Variants in GPLD1 observed in about 807,000 individuals in gnomAD.
GPLD1 encodes phosphatidylinositol-glycan-specific phospholipase D.
Under a neutral mutation model 112.6 loss-of-function variants are expected in GPLD1, and 84 were observed. That is an observed-to-expected ratio of 0.75 (90% CI 0.63 to 0.89). The LOEUF is 0.89. Among genes scored for constraint, GPLD1 ranks in the 40% least tolerant of loss-of-function variants. GPLD1 has a pLI of 0.00. For missense variants in GPLD1, 1,044 were observed against 1,051.5 expected (o/e 0.99, Z 0.10); for synonymous variants, 386 against 403.8 (o/e 0.96, Z 0.53).
At position 24,429,039 on chromosome 6, in the gene GPLD1, G is replaced by C; in HGVS notation, c.2516C>G (p.Ser839Ter). ...GGAAATGCAGTGAAATCTTCAATCT[G>C]AGCCAAGGCTATAGACGTGAAGTGC... Reference protein sequence around the residue: ...SGALHVYSLGSD With the variant: ...SGALHVYSLG The change falls in exon 25 of 25, where the codon TCA becomes TGA. Residue 839 changes from serine to a stop codon, truncating the protein, a stop_gained. Transcript: ENST00000230036. LOFTEE classifies it high-confidence loss of function. The C allele has an allele frequency of 1.1e-5, 17 of 1,609,166 alleles. No individual in the cohort carries two copies. Among genetic ancestry groups the C allele is most frequent in the Non-Finnish European group, 1.4e-5 (17 of 1,175,888 alleles).
At chr6:24,442,732 C>T (rs1445181267) in intron 20 of GPLD1, among the ~76,000 whole-genome samples, 4 of 149,444 alleles carry the variant, frequency 2.7e-5, no homozygotes, top group Non-Finnish European at 5.9e-5. Flanking sequence ...GCATGAGCCA[C>T]TGCGCCTGGC....
At chr6:24,436,026 T>C (rs1425438942) in intron 22 of GPLD1, 1 of 151,858 alleles carries the variant, frequency 6.6e-6, no homozygotes, top group Non-Finnish European at 1.5e-5. Context: ...TGAGGCCAGG[T>C]AGAAGAACTG....
chr6:24,482,938 C>T (rs1289517301), intron 2 of GPLD1, among the ~76,000 whole-genome samples: 1 of 151,824 alleles, frequency 6.6e-6, no homozygotes, highest in African/African-American at 2.4e-5. Flanking sequence ...CAGTGAGACC[C>T]TATCTCAAAA....
intron 12 of GPLD1, among the ~76,000 whole-genome samples, chr6:24,459,187 TC>T (rs2127347461): frequency 6.6e-6 from 1 of 152,204 alleles, no homozygotes; most frequent in African/African-American, 2.4e-5. Context: ...AACTTGAATG[TC>T]CCCTCCTCCA....
chr6:24,427,159 C>T lies in GPLD1; in HGVS notation c.*1873G>A, dbSNP rs1240569287. Among the ~76,000 whole-genome samples, 1 of 152,212 alleles carries T rather than the reference C, an allele frequency of 6.6e-6. No individual in the cohort carries two copies. The highest frequency in any genetic ancestry group is 1.5e-5 in the Non-Finnish European group (1 of 68,036). The stretch of plus-strand genomic sequence containing the variant: ...CACAAAATAAACTAGTTACTGTTTA[C>T]AGATAATGCCCGCTAATGTTTACTG... On this transcript the variant is annotated 3_prime_UTR_variant, in exon 25 of 25. Transcript: ENST00000230036.
At chr6:24,450,386 A>G (rs889626013) in intron 14 of GPLD1, among the ~76,000 whole-genome samples, 2 of 152,194 alleles carry the variant, frequency 1.3e-5, no homozygotes, top group African/African-American at 4.8e-5. Flanking sequence ...CTGTAATCCC[A>G]GCTACTCTGG....
chr6:24,486,684 G>T (rs1199290059), intron 1 of GPLD1, among the ~76,000 whole-genome samples: 2 of 152,130 alleles, frequency 1.3e-5, no homozygotes, highest in African/African-American at 4.8e-5. Context: ...CAGGCATGGT[G>T]GCGCATGCCT....
rs769740951 is a variant in GPLD1, at chr6:24,447,908, C to G, written c.1647G>C (p.Ala549=). 3 of 1,613,916 alleles carry G rather than the reference C, an allele frequency of 1.9e-6. No individual in the cohort carries two copies. The highest frequency in any genetic ancestry group is 1.3e-5 in the African/African-American group (1 of 74,864). ...CGCTCAGGCTGGGGCCAGAATAAAA[C>G]GCAGCCACAATTCCCTTCTGCTTCC... The part of the protein sequence containing the change: ...GGGKQKGIVA[A]FYSGPSLSDK... The change falls in exon 17 of 25, where the codon GCG becomes GCC. Residue 549 remains alanine (A), a synonymous_variant. Transcript: ENST00000230036.
intron 10 of GPLD1, 76 bp from the exon 11 acceptor site, chr6:24,462,871 C>T (rs943360470): frequency 9.7e-6 from 10 of 1,028,908 alleles, no homozygotes; most frequent in South Asian, 2.5e-5. Flanking sequence ...ATCGGTAGTG[C>T]GCTTCAATCA....
intron 18 of GPLD1, 129 bp from the exon 19 acceptor site, chr6:24,445,960 C>A: frequency 1.5e-6 from 1 of 668,366 alleles, no homozygotes; most frequent in East Asian, 2.7e-5. Flanking sequence ...CTCTGCGACC[C>A]CAGGCCTGGA....
chr6:24,436,508 G>T, intron 22 of GPLD1, 68 bp downstream of exon 22: 1 of 1,344,620 alleles, frequency 7.4e-7, no homozygotes, highest in South Asian at 1.2e-5. Flanking sequence ...TAGTGGACAT[G>T]AGTTAACAAG....
chr6:24,461,563 C>T lies in GPLD1; in HGVS notation c.888-1164G>A, dbSNP rs563592854. Among the ~76,000 whole-genome samples the T allele has an allele frequency of 1.4e-4, 21 of 152,174 alleles. No individual in the cohort carries two copies. The South Asian group carries it at 2.7e-3, about 20-fold the overall frequency. ...AGCTCTTTTGTGCCCAGGGCCAGGACGCTCTGTTGCAAATCCCCAGAACAC... is the reference window on the plus strand; with the variant it reads ...AGCTCTTTTGTGCCCAGGGCCAGGATGCTCTGTTGCAAATCCCCAGAACAC... On this transcript the variant is annotated intron_variant, in intron 11 of 24. Coordinates refer to ENST00000230036, the MANE Select transcript of GPLD1 (RefSeq NM_001503.4).
intron 20 of GPLD1, among the ~76,000 whole-genome samples, chr6:24,437,929 C>T (rs988237462): frequency 2.6e-5 from 4 of 152,156 alleles, no homozygotes; most frequent in African/African-American, 9.7e-5. Context: ...CTTCCCTGTG[C>T]TCCCATACAT....
At chr6:24,432,354 T>A (rs1336361588) in intron 24 of GPLD1, among the ~76,000 whole-genome samples, 8 of 151,892 alleles carry the variant, frequency 5.3e-5, no homozygotes, top group Non-Finnish European at 1.2e-4. Flanking sequence ...TCCCAGCACT[T>A]TGGAAGGCAG....
At position 24,437,229 on chromosome 6, in the gene GPLD1, A is replaced by G. The variant is rs780797191; in HGVS notation, c.2081T>C (p.Met694Thr). The change falls in exon 21 of 25, where the codon ATG (methionine) becomes ACG (threonine). Residue 694 changes from methionine to threonine, a missense_variant. Physicochemically the swap from Met to Thr is moderately conservative, Grantham distance 81. Transcript: ENST00000230036. ...CTGCGCGTCAGATGTGAGTGCGTACATGCGAGTGGCTCCGCCTTGGTGTAG... is the reference window on the plus strand; with the variant it reads ...CTGCGCGTCAGATGTGAGTGCGTACGTGCGAGTGGCTCCGCCTTGGTGTAG... ...VTLHQGGATR[M>T]YALTSDAQPL... The G allele has an allele frequency of 5.8e-5, 94 of 1,614,186 alleles. No homozygotes were observed. In the East Asian group the frequency reaches 2.0e-3, roughly 35 times the overall value.
chr6:24,447,250 A>T (rs1265520345), intron 17 of GPLD1, among the ~76,000 whole-genome samples: 2 of 152,180 alleles, frequency 1.3e-5, no homozygotes, highest in African/African-American at 2.4e-5. Context: ...TCACACCTGT[A>T]ATCCCAGCAC....
upstream of GPLD1, among the ~76,000 whole-genome samples, chr6:24,493,881 T>C (rs928490415): frequency 1.3e-5 from 2 of 152,220 alleles, no homozygotes; most frequent in Non-Finnish European, 2.9e-5. Context: ...AAGGGAGATA[T>C]GTAACCTAAA....
At chr6:24,459,552 C>T (rs759895651) in intron 12 of GPLD1, among the ~76,000 whole-genome samples, 2 of 152,188 alleles carry the variant, frequency 1.3e-5, no homozygotes, top group Non-Finnish European at 2.9e-5. Context: ...CCACCACGCC[C>T]ATTCTCCCTA....
At chr6:24,447,854 A>AC (rs1762960356) in intron 17 of GPLD1, 23 bp downstream of exon 17, 1 of 1,612,370 alleles carries the variant, frequency 6.2e-7, no homozygotes, top group Admixed American at 1.7e-5. Context: ...CCATGGTCTC[A>AC]CCCATTCCCC....
Sources: gnomAD v4.1 joint callset for allele counts (sites outside exome capture counted in the v4.1 genomes callset) on GRCh38, gnomAD v4.1.1 for gene constraint, MANE v1.5 for transcripts, NCBI Gene and HGNC (gene_info 2026-07-23, HGNC 2026-07-21) for gene names.